DNAH17: variants seen among roughly 807,000 people sequenced by gnomAD.
DNAH17 encodes axonemal beta dynein heavy chain 17.
In DNAH17, 376 loss-of-function variants were observed where a neutral mutation model predicts 485.6. That is an observed-to-expected ratio of 0.77 (90% confidence interval 0.71 to 0.84). The LOEUF (loss-of-function observed/expected upper bound fraction) is 0.84. Among genes scored for constraint, DNAH17 ranks in the 40% least tolerant of loss-of-function variants. DNAH17 has a pLI of 0.00. For synonymous variants in DNAH17, 3,031 were observed against 2,405.9 expected, an observed-to-expected ratio of 1.26 and a Z score of -7.60; for missense variants, 6,370 against 5,839.3, an observed-to-expected ratio of 1.09 and a Z score of -2.96.
chr17:78,544,659 G>A lies in DNAH17; in HGVS notation c.2392-662C>T, dbSNP rs151239900. Among the ~76,000 whole-genome samples, 128 of 152,032 alleles carry A rather than the reference G, an allele frequency of 8.4e-4. 1 individual carries two copies. The highest frequency in any genetic ancestry group is 2.7e-3 in the African/African-American group (112 of 41,460). On this transcript the variant is annotated intron_variant, in intron 16 of 80. Coordinates refer to ENST00000389840, the MANE Select transcript of DNAH17 (RefSeq NM_173628.4). ...CTACTAAAAATACAAAAAATTAGCC[G>A]CGCATGGTGGCGGGCACCTGTAGTC...
At position 78,494,781 on chromosome 17, in the gene DNAH17, G is replaced by A; in HGVS notation, c.6082C>T (p.Leu2028=). ...DWGLRAIKSV[L]VVAGSLKRGD... ...CTCTTCAGGGAGCCGGCCACCACCA[G>A]CACAGACTTGATGGCTCTCAGGCCC... is the stretch of plus-strand genomic sequence containing the variant. The change falls in exon 40 of 81, where the codon CTG becomes TTG. Residue 2028 remains leucine, a synonymous_variant. Coordinates refer to ENST00000389840, the MANE Select transcript of DNAH17 (RefSeq NM_173628.4). 6.2e-7 allele frequency: 1 copy of A among 1,612,952 alleles called. No homozygotes were observed. The highest frequency in any genetic ancestry group is 1.1e-5 in the South Asian group (1 of 91,032).
chr17:78,510,092 G>A (rs1052013541), intron 27 of DNAH17, among the ~76,000 whole-genome samples: 9 of 152,242 alleles, frequency 5.9e-5, no homozygotes, highest in African/African-American at 2.2e-4. Context: ...TGAGGCAGGA[G>A]AATCTCTTGA....
At chr17:78,429,660 G>A (rs773239266) in intron 75 of DNAH17, among the ~76,000 whole-genome samples, 11 of 152,280 alleles carry the variant, frequency 7.2e-5, no homozygotes, top group Middle Eastern at 3.4e-3. Context: ...GGGCTGAATC[G>A]GAACTCGCTC....
At chr17:78,491,657 G>A (rs1272819919) in intron 42 of DNAH17, 87 bp from the exon 43 acceptor site, 48 of 1,512,668 alleles carry the variant, frequency 3.2e-5, no homozygotes, top group Non-Finnish European at 4.1e-5. Flanking sequence ...CTCTCTCTCT[G>A]GGAGGGAGCC....
chr17:78,461,672 C>A lies in DNAH17; in HGVS notation c.9211G>T (p.Ala3071Ser), dbSNP rs757479799. Residue 3071 changes from alanine (A) to serine (S), a missense_variant, in exon 58 of 81, where the codon GCT becomes TCT. Ala to Ser is a moderately conservative substitution (Grantham distance 99). Coordinates refer to ENST00000389840, the MANE Select transcript of DNAH17 (RefSeq NM_173628.4). ...DLKAKLAIQE[A>S]ELKQKNESAD... ...CTCTCATTCTTCTGCTTGAGCTCAG[C>A]CTCCTGAATCGCCAACTTGGCTTTC... 4.3e-6 allele frequency: 7 copies of A among 1,610,964 alleles called. No homozygotes were observed. In the South Asian group the frequency reaches 6.6e-5, roughly 15 times the overall value.
intron 48 of DNAH17, among the ~76,000 whole-genome samples, chr17:78,484,390 G>A (rs1030030040): frequency 3.9e-5 from 6 of 152,090 alleles, no homozygotes; most frequent in African/African-American, 1.2e-4. Flanking sequence ...CAGCCAGCAG[G>A]ACACTGCTGC....
At chr17:78,488,653 G>C (rs1057365825) in intron 44 of DNAH17, among the ~76,000 whole-genome samples, 1 of 152,136 alleles carries the variant, frequency 6.6e-6, no homozygotes, top group Non-Finnish European at 1.5e-5. Context: ...TGCTACAAAA[G>C]AATGTCCACC....
In DNAH17 at chr17:78,561,790, C is replaced by T. The variant is rs746321630; in HGVS notation, c.1760G>A (p.Gly587Glu). 3 of 1,613,464 alleles carry T rather than the reference C, an allele frequency of 1.9e-6. No individual in the cohort carries two copies. Among genetic ancestry groups the T allele is most frequent in the Non-Finnish European group, 2.5e-6 (3 of 1,179,750 alleles). The change falls in exon 12 of 81, where the codon GGG becomes GAG. Residue 587 changes from glycine to glutamate, a missense_variant. Transcript: ENST00000389840. ...CAGCTCCAGGCTCCATTTGAGCTGC[C>T]CGGCCACGGGAGGCATGTTTTTGTG... ...LIHKNMPPVAGQLKWSLELQE... is the reference protein window; with the variant it reads ...LIHKNMPPVAEQLKWSLELQE...
At chr17:78,432,276 C>T (rs981955480) in intron 75 of DNAH17, among the ~76,000 whole-genome samples, 21 of 152,108 alleles carry the variant, frequency 1.4e-4, no homozygotes, top group African/African-American at 4.1e-4. Context: ...GTGGTTTGGC[C>T]GTCTCTCCGT....
At chr17:78,544,492 G>A (rs1022034542) in intron 16 of DNAH17, among the ~76,000 whole-genome samples, 10 of 152,260 alleles carry the variant, frequency 6.6e-5, no homozygotes, top group African/African-American at 2.2e-4. Flanking sequence ...CTGCAAGTGG[G>A]AGTTCTACCA....
At chr17:78,439,390 G>A (rs534018298) in intron 72 of DNAH17, among the ~76,000 whole-genome samples, 173 bp from the exon 73 acceptor site, 4 of 152,040 alleles carry the variant, frequency 2.6e-5, no homozygotes, top group South Asian at 2.1e-4. Flanking sequence ...ACAGTGCACC[G>A]ACATTCAGTA....
chr17:78,494,398 G>T (rs969092459), intron 40 of DNAH17, among the ~76,000 whole-genome samples, 195 bp downstream of exon 40: 1 of 151,842 alleles, frequency 6.6e-6, no homozygotes, highest in Non-Finnish European at 1.5e-5. Flanking sequence ...AGCCTCAGTT[G>T]AGAGAGTGAC....
rs764170714 is a variant in DNAH17, at chr17:78,450,668, G to A, written c.10899+14C>T. 6 of 1,606,516 alleles carry A rather than the reference G, an allele frequency of 3.7e-6. No homozygotes were observed. The highest frequency in any genetic ancestry group is 1.7e-5 in the Admixed American group (1 of 59,338). On this transcript the variant is annotated intron_variant, in intron 67 of 80. Coordinates refer to ENST00000389840, the MANE Select transcript of DNAH17 (RefSeq NM_173628.4). The stretch of plus-strand genomic sequence containing the variant: ...GCCCTGGCTGCCAGGGCACGTCACC[G>A]AGGCAGCTCTGACCTTCTCCTCGAT...
At chr17:78,510,749 C>A in intron 26 of DNAH17, 1 of 335,386 alleles carries the variant, frequency 3.0e-6, no homozygotes, top group Admixed American at 4.6e-5. Flanking sequence ...GGCGGAATTG[C>A]GGCCCCCCCG....
intron 25 of DNAH17, 56 bp from the exon 26 acceptor site, chr17:78,515,078 G>T (rs2090746142): frequency 6.3e-7 from 1 of 1,598,138 alleles, no homozygotes; most frequent in Non-Finnish European, 8.5e-7. Flanking sequence ...AATTCAGGAA[G>T]AAAACCCTCT....
At chr17:78,566,941 C>T in intron 10 of DNAH17, 58 bp downstream of exon 10, 1 of 1,546,686 alleles carries the variant, frequency 6.5e-7, no homozygotes, top group Non-Finnish European at 8.7e-7. Flanking sequence ...TAAGCTGGTA[C>T]CGAGGCTGGT....
chr17:78,500,853 C>T (rs942606195), intron 35 of DNAH17: 5 of 241,964 alleles, frequency 2.1e-5, no homozygotes, highest in Admixed American at 5.3e-5. Context: ...GAACCACAAC[C>T]GTGGAGCAGA....
In DNAH17 at chr17:78,428,673, G is replaced by C. The variant is rs748642049; in HGVS notation, c.12440C>G (p.Pro4147Arg). ...CAGGCCATACAGATAGGGACTCTCA[G>C]GGGGCAGGTTCTCATCGATGTATTC... ...YHEYIDENLPPESPYLYGLHP... is the reference protein window; with the variant it reads ...YHEYIDENLPRESPYLYGLHP... The change falls in exon 77 of 81, where the codon CCT (proline) becomes CGT (arginine). Residue 4147 changes from proline to arginine, a missense_variant. Pro to Arg is a moderately radical substitution (Grantham distance 103). Coordinates refer to ENST00000389840, the MANE Select transcript of DNAH17 (RefSeq NM_173628.4). 1.9e-6 allele frequency: 3 copies of C among 1,613,892 alleles called. No homozygotes were observed. The highest frequency in any genetic ancestry group is 2.2e-5 in the South Asian group (2 of 91,070).
At chr17:78,517,622 G>A (rs2090822805) in intron 25 of DNAH17, among the ~76,000 whole-genome samples, 1 of 152,122 alleles carries the variant, frequency 6.6e-6, no homozygotes, top group Non-Finnish European at 1.5e-5. Flanking sequence ...CCAGGCTCCC[G>A]AATTGCCTCC....
Sources: allele counts gnomAD v4.1 joint callset (sites outside exome capture counted in the v4.1 genomes callset), GRCh38; gene constraint gnomAD v4.1.1; transcripts MANE v1.5; gene names NCBI Gene and HGNC (gene_info 2026-07-23, HGNC 2026-07-21).